PIK3C2G: variants seen among roughly 807,000 people sequenced by gnomAD.
PIK3C2G encodes phosphatidylinositol 3-kinase C2 domain-containing subunit gamma.
Under a neutral mutation model 181.1 loss-of-function variants are expected in PIK3C2G, and 168 were observed. The observed-to-expected ratio is 0.93, with a 90% CI of 0.82 to 1.05. PIK3C2G has a LOEUF of 1.05. Ranked by LOEUF, PIK3C2G falls within the 50% of genes least tolerant of loss-of-function variation. The pLI is 0.00. For missense variants in PIK3C2G, 1,869 were observed against 1,732.8 expected, an observed-to-expected ratio of 1.08 and a Z score of -1.40; for synonymous variants, 573 against 592.2, an observed-to-expected ratio of 0.97 and a Z score of 0.47.
chr12:18,589,734 G>C (rs1946976682), intron 29 of PIK3C2G, among the ~76,000 whole-genome samples: 1 of 151,976 alleles, frequency 6.6e-6, no homozygotes, highest in Admixed American at 6.6e-5. Flanking sequence ...AATACAATTT[G>C]TTTAGCACAT....
chr12:18,321,014 A>G lies in PIK3C2G; in HGVS notation c.1190A>G (p.His397Arg). Residue 397 changes from histidine to arginine, a missense_variant, in exon 7 of 33, where the codon CAT becomes CGT. Transcript: ENST00000538779. ...FYLNQLLEFM[H>R]IWKVSRQCLL... ...CTGAATCAACTTCTAGAATTTATGC[A>G]TATTTGGAAAGTATCCAGGTAAGAT... 6.4e-7 allele frequency: 1 copy of G among 1,551,958 alleles called. No homozygotes were observed. Among genetic ancestry groups the G allele is most frequent in the Non-Finnish European group, 8.9e-7 (1 of 1,128,386 alleles).
At chr12:18,465,538 A>C (rs1030870682) in intron 18 of PIK3C2G, among the ~76,000 whole-genome samples, 1 of 151,868 alleles carries the variant, frequency 6.6e-6, no homozygotes, top group Non-Finnish European at 1.5e-5. Context: ...ACTTTAGTTC[A>C]TATTCATTTT....
intron 7 of PIK3C2G, among the ~76,000 whole-genome samples, chr12:18,322,350 C>T (rs931623379): frequency 3.3e-5 from 5 of 150,160 alleles, no homozygotes; most frequent in African/African-American, 9.9e-5. Context: ...CCACTGTACT[C>T]CAGCTTGGGT....
At chr12:18,345,779 A>C (rs1405622404) in intron 10 of PIK3C2G, among the ~76,000 whole-genome samples, 1 of 152,174 alleles carries the variant, frequency 6.6e-6, no homozygotes, top group Non-Finnish European at 1.5e-5. Flanking sequence ...AAGTACTGTT[A>C]AGACTGAACT....
intron 5 of PIK3C2G, among the ~76,000 whole-genome samples, chr12:18,302,314 C>T (rs1420997922): frequency 6.6e-6 from 1 of 152,172 alleles, no homozygotes; most frequent in African/African-American, 2.4e-5. Context: ...CACTCAGGCT[C>T]CCAGGAGGCT....
At chr12:18,478,657 A>T (rs1341616089) in intron 18 of PIK3C2G, among the ~76,000 whole-genome samples, 2 of 152,160 alleles carry the variant, frequency 1.3e-5, no homozygotes, top group Non-Finnish European at 2.9e-5. Flanking sequence ...AGAGAAAAAT[A>T]TCCCTGTTTA....
intron 16 of PIK3C2G, among the ~76,000 whole-genome samples, chr12:18,403,106 C>A (rs1416502925): frequency 6.6e-6 from 1 of 152,080 alleles, no homozygotes; most frequent in African/African-American, 2.4e-5. Context: ...TCTTGGCTAT[C>A]CTAAACGGTT....
intron 1 of PIK3C2G, among the ~76,000 whole-genome samples, chr12:18,274,145 A>G (rs1168524007): frequency 6.6e-6 from 1 of 152,224 alleles, no homozygotes; most frequent in East Asian, 1.9e-4. Flanking sequence ...TTAAAAAGTC[A>G]GGAAACAACA....
At chr12:18,498,966 G>A (rs1042588979) in intron 22 of PIK3C2G, among the ~76,000 whole-genome samples, 1 of 152,120 alleles carries the variant, frequency 6.6e-6, no homozygotes, top group African/African-American at 2.4e-5. Context: ...TGCTGAAATA[G>A]AATAATGCTA....
At chr12:18,274,563 A>G (rs551747823) in intron 1 of PIK3C2G, among the ~76,000 whole-genome samples, 279 of 152,248 alleles carry the variant, frequency 1.8e-3, no homozygotes, top group African/African-American at 6.3e-3. Context: ...ACAAAAAACC[A>G]AACACCGCAT....
intron 1 of PIK3C2G, among the ~76,000 whole-genome samples, chr12:18,276,493 A>G (rs1191941116): frequency 6.6e-6 from 1 of 152,190 alleles, no homozygotes; most frequent in African/African-American, 2.4e-5. Flanking sequence ...TCTTTGACAT[A>G]TTGCACATTC....
At chr12:18,518,891 AAC>A in intron 24 of PIK3C2G, among the ~76,000 whole-genome samples, 1 of 152,152 alleles carries the variant, frequency 6.6e-6, no homozygotes, top group Non-Finnish European at 1.5e-5. Flanking sequence ...TTTCCCTGTT[AAC>A]ACTGCTTTAG....
At chr12:18,425,615 CT>C (rs1945762836) in intron 18 of PIK3C2G, among the ~76,000 whole-genome samples, 1 of 152,046 alleles carries the variant, frequency 6.6e-6, no homozygotes, top group Non-Finnish European at 1.5e-5. Context: ...TTGTCTTCAT[CT>C]CTTGACCTCA....
intron 24 of PIK3C2G, among the ~76,000 whole-genome samples, chr12:18,532,809 A>C (rs1002307681): frequency 1.3e-5 from 2 of 150,550 alleles, no homozygotes; most frequent in Non-Finnish European, 3.0e-5. Context: ...TGGCTGGTGT[A>C]GGGGAGAAGT....
chr12:18,717,311 C>T, the PIK3C2G span, among the ~76,000 whole-genome samples: 1 of 151,898 alleles, frequency 6.6e-6, no homozygotes, highest in Non-Finnish European at 1.5e-5. Context: ...GCTGTCTTTA[C>T]AGAATTCTAA....
intron 26 of PIK3C2G, among the ~76,000 whole-genome samples, chr12:18,551,373 C>T (rs908774882): frequency 2.0e-5 from 3 of 152,136 alleles, no homozygotes; most frequent in African/African-American, 7.2e-5. Context: ...TAGCTGTCCT[C>T]ATCAAGAGCT....
chr12:18,652,758 T>C (rs995401213), downstream of PIK3C2G, among the ~76,000 whole-genome samples: 1 of 152,312 alleles, frequency 6.6e-6, no homozygotes, highest in African/African-American at 2.4e-5. Flanking sequence ...CATGTATATT[T>C]TATTTGTTCC....
intron 23 of PIK3C2G, among the ~76,000 whole-genome samples, chr12:18,503,670 A>G (rs1941648646): frequency 6.6e-6 from 1 of 152,170 alleles, no homozygotes; most frequent in African/African-American, 2.4e-5. Context: ...CCATCCTGAC[A>G]TCAATCTTAC....
chr12:18,639,419 A>G (rs1388734848), intron 31 of PIK3C2G, among the ~76,000 whole-genome samples: 1 of 152,168 alleles, frequency 6.6e-6, no homozygotes, highest in Non-Finnish European at 1.5e-5. Flanking sequence ...TTACTGATTT[A>G]ATAGAATTAG....
Sources: allele counts gnomAD v4.1 joint callset (sites outside exome capture counted in the v4.1 genomes callset), GRCh38; gene constraint gnomAD v4.1.1; transcripts MANE v1.5; gene names NCBI Gene and HGNC (gene_info 2026-07-23, HGNC 2026-07-21).